Variants in CTNNA3 observed in about 807,000 individuals in gnomAD.
The protein encoded by CTNNA3 is catenin alpha 3, also known as catenin alpha-3.
A neutral mutation model predicts 95.7 loss-of-function variants in CTNNA3; 76 were observed. The ratio of observed to expected loss-of-function variants is 0.79; its 90% CI spans 0.66 to 0.96. CTNNA3 has a LOEUF of 0.96. Among genes scored for constraint, CTNNA3 ranks in the 40% least tolerant of loss-of-function variants. The pLI is 0.00. For synonymous variants in CTNNA3, 431 were observed against 374.4 expected, an observed-to-expected ratio of 1.15 and a Z score of -1.74; for missense variants, 1,191 against 1,089.8, an observed-to-expected ratio of 1.09 and a Z score of -1.31.
intron 15 of CTNNA3, among the ~76,000 whole-genome samples, chr10:66,067,403 T>C (rs1039919811): frequency 1.3e-5 from 2 of 152,182 alleles, no homozygotes; most frequent in Non-Finnish European, 2.9e-5. Flanking sequence ...TCTATTAACA[T>C]AAGATCATAC....
Position 65,917,543 on chromosome 10 carries a change from G to A in CTNNA3, c.*2787C>T, listed in dbSNP as rs1000016831. ...GGTAACCAGGGATGGAACTGCTCCT[G>A]TGGGTGGTAAACACCCCTCTCCTCC... On this transcript the variant is annotated 3_prime_UTR_variant, in exon 18 of 18. Coordinates refer to ENST00000433211, the MANE Select transcript of CTNNA3 (RefSeq NM_013266.4). 8 of 151,588 alleles carry A rather than the reference G, an allele frequency of 5.3e-5. No homozygotes were observed. The highest frequency in any genetic ancestry group is 1.9e-4 in the African/African-American group (8 of 41,232). The allele number at this position is 151,588 out of a possible 1,614,324, so 9.4% of individuals were successfully genotyped here.
At chr10:66,124,738 G>A (rs1200029102) in intron 13 of CTNNA3, among the ~76,000 whole-genome samples, 1 of 152,198 alleles carries the variant, frequency 6.6e-6, no homozygotes, top group East Asian at 1.9e-4. Flanking sequence ...GGCAGGCAAA[G>A]AGAGACAGCT....
intron 13 of CTNNA3, among the ~76,000 whole-genome samples, chr10:66,159,382 T>C (rs1008864633): frequency 6.6e-6 from 1 of 152,250 alleles, no homozygotes; most frequent in Non-Finnish European, 1.5e-5. Flanking sequence ...TGCTAGATTT[T>C]GTCAGGTGCT....
chr10:67,235,770 C>T (rs1865423701), intron 5 of CTNNA3, among the ~76,000 whole-genome samples: 1 of 144,118 alleles, frequency 6.9e-6, no homozygotes, highest in Non-Finnish European at 1.5e-5. Flanking sequence ...ACTCATCTGA[C>T]AAAGGGCTAA....
Position 67,520,260 on chromosome 10 carries a change from A to G in CTNNA3, c.579+1582T>C, listed in dbSNP as rs981037100. 2.0e-5 allele frequency among the ~76,000 whole-genome samples: 3 copies of G among 152,184 alleles called. No individual in the cohort carries two copies. The East Asian group carries it at 5.8e-4, about 29-fold the overall frequency. ...CCATGTGCTCATCTTTTCTTTATGC[A>G]CATATAATTTACCCATCTATCCTCA... On this transcript the variant is annotated intron_variant, in intron 5 of 17. Transcript: ENST00000433211.
At chr10:65,955,569 C>T (rs1385148197) in intron 17 of CTNNA3, among the ~76,000 whole-genome samples, 1 of 152,050 alleles carries the variant, frequency 6.6e-6, no homozygotes, top group African/African-American at 2.4e-5. Flanking sequence ...CCCATCAATA[C>T]CTAGTTTATT....
intron 9 of CTNNA3, among the ~76,000 whole-genome samples, chr10:66,742,012 G>A (rs561426847): frequency 3.3e-5 from 5 of 152,260 alleles, no homozygotes; most frequent in African/African-American, 1.2e-4. Context: ...CTTGAAAAAA[G>A]AACAGGATAA....
intron 9 of CTNNA3, among the ~76,000 whole-genome samples, chr10:66,765,984 A>G (rs1839832475): frequency 6.6e-6 from 1 of 152,234 alleles, no homozygotes; most frequent in Non-Finnish European, 1.5e-5. Context: ...CTTTTAAGTC[A>G]GAATGGGAAG....
intron 7 of CTNNA3, among the ~76,000 whole-genome samples, chr10:66,787,066 T>C (rs1196706198): frequency 6.6e-6 from 1 of 152,120 alleles, no homozygotes; most frequent in Admixed American, 6.6e-5. Flanking sequence ...GTTCCTTTTT[T>C]CCTGCAAAAT....
chr10:67,165,903 A>C (rs1861746911), intron 7 of CTNNA3, among the ~76,000 whole-genome samples: 1 of 152,256 alleles, frequency 6.6e-6, no homozygotes, highest in Non-Finnish European at 1.5e-5. Context: ...ACAAAAGACA[A>C]CATAATTATC....
chr10:66,398,549 C>T (rs1010128556), intron 11 of CTNNA3, among the ~76,000 whole-genome samples: 2 of 151,690 alleles, frequency 1.3e-5, no homozygotes, highest in Admixed American at 6.6e-5. Flanking sequence ...AACCAGTGGA[C>T]GTACTGTAAT....
chr10:67,604,295 G>A (rs1843187611), intron 3 of CTNNA3, among the ~76,000 whole-genome samples: 1 of 152,186 alleles, frequency 6.6e-6, no homozygotes, highest in Admixed American at 6.5e-5. Flanking sequence ...GCGAGTTCCT[G>A]TTTGGAGGAA....
chr10:66,370,043 C>T (rs1407509707), intron 12 of CTNNA3, among the ~76,000 whole-genome samples: 3 of 152,026 alleles, frequency 2.0e-5, no homozygotes, highest in East Asian at 3.9e-4. Context: ...TTACTTACCA[C>T]CAGGGGAAAT....
chr10:66,310,677 T>G (rs2132258371), intron 12 of CTNNA3, among the ~76,000 whole-genome samples: 1 of 149,916 alleles, frequency 6.7e-6, no homozygotes, highest in Admixed American at 6.7e-5. Context: ...AATATTTGTT[T>G]ATACATAACT....
At chr10:67,720,783 G>A (rs553612923) in intron 1 of CTNNA3, among the ~76,000 whole-genome samples, 25 of 152,100 alleles carry the variant, frequency 1.6e-4, no homozygotes, top group Middle Eastern at 3.4e-3. Flanking sequence ...GTGAAACCCT[G>A]TCTCTACTAA....
chr10:67,551,983 G>A (rs1564733136), intron 3 of CTNNA3, among the ~76,000 whole-genome samples: 3 of 152,250 alleles, frequency 2.0e-5, no homozygotes, highest in South Asian at 2.1e-4. Context: ...AGGAGGAAAC[G>A]GTGAAGCAAG....
At chr10:67,444,138 T>C (rs1436008610) in intron 5 of CTNNA3, among the ~76,000 whole-genome samples, 1 of 152,170 alleles carries the variant, frequency 6.6e-6, no homozygotes, top group African/African-American at 2.4e-5. Flanking sequence ...ACAGATCATA[T>C]GTTAGGTCCC....
chr10:67,499,741 T>C (rs1243959301), intron 5 of CTNNA3, among the ~76,000 whole-genome samples: 1 of 152,222 alleles, frequency 6.6e-6, no homozygotes, highest in African/African-American at 2.4e-5. Context: ...TAGTATTCTC[T>C]GATGGTAGTT....
intron 10 of CTNNA3, among the ~76,000 whole-genome samples, chr10:66,552,168 G>A (rs1842240285): frequency 6.6e-6 from 1 of 152,104 alleles, no homozygotes; most frequent in East Asian, 1.9e-4. Flanking sequence ...CTCCCAAGGT[G>A]CTGGGATTAT....
Sources: allele counts gnomAD v4.1 joint callset (sites outside exome capture counted in the v4.1 genomes callset), GRCh38; gene constraint gnomAD v4.1.1; transcripts MANE v1.5; gene names NCBI Gene and HGNC (gene_info 2026-07-23, HGNC 2026-07-21).